The following WDR49 variants were observed in gnomAD, a reference collection of about 807,000 sequenced individuals.
WDR49 encodes the protein cilia- and flagella-associated protein 337.
WDR49 carries 107 observed loss-of-function variants against 119.5 expected under a neutral mutation model. The observed-to-expected ratio is 0.90, with a 90% CI of 0.77 to 1.05. WDR49 has a LOEUF of 1.05. WDR49 is among the 50% of genes least tolerant of loss of function. The probability of loss-of-function intolerance (pLI) is 0.00; values close to 1 mark genes in which losing one functional copy is unlikely to be tolerated. For synonymous variants in WDR49, 425 were observed against 418.8 expected, an observed-to-expected ratio of 1.01 and a Z score of -0.18; for missense variants, 1,240 against 1,220.5, an observed-to-expected ratio of 1.02 and a Z score of -0.24.
intron 17 of WDR49, 145 bp from the exon 18 acceptor site, chr3:167,500,444 CA>C: frequency 1.1e-6 from 1 of 893,250 alleles, no homozygotes; most frequent in South Asian, 1.8e-5. Context: ...CAGTGATCTG[CA>C]AACCCTACAA....
intron 6 of WDR49, among the ~76,000 whole-genome samples, chr3:167,604,087 T>C (rs1048129357): frequency 6.6e-6 from 1 of 152,104 alleles, no homozygotes; most frequent in African/African-American, 2.4e-5. Context: ...ATTAAAGCAT[T>C]GGGCACTTTC....
intron 15 of WDR49, among the ~76,000 whole-genome samples, chr3:167,526,434 C>T (rs1188647375): frequency 6.6e-6 from 1 of 152,090 alleles, no homozygotes; most frequent in East Asian, 1.9e-4. Context: ...AAACCTCCAC[C>T]TCATCTTGCC....
At chr3:167,527,226 T>C (rs1752668348) in intron 15 of WDR49, among the ~76,000 whole-genome samples, 2 of 152,148 alleles carry the variant, frequency 1.3e-5, no homozygotes, top group African/African-American at 4.8e-5. Context: ...TCTGTGCCTC[T>C]GTTTCCTTAT....
intron 17 of WDR49, among the ~76,000 whole-genome samples, chr3:167,501,783 A>G (rs944902563): frequency 2.0e-5 from 3 of 152,208 alleles, no homozygotes; most frequent in African/African-American, 7.2e-5. Flanking sequence ...TCCGTCAACA[A>G]CTAGACTAAT....
intron 2 of WDR49, among the ~76,000 whole-genome samples, chr3:167,649,312 T>TA (rs768998964): frequency 1.0e-3 from 159 of 151,492 alleles, no homozygotes; most frequent in Non-Finnish European, 1.9e-3. Context: ...AAGGACAAGT[T>TA]AAAAAAAAGG....
chr3:167,521,971 T>TAGAC (rs1752455873), intron 16 of WDR49, among the ~76,000 whole-genome samples: 1 of 82,718 alleles, frequency 1.2e-5, no homozygotes, highest in Non-Finnish European at 2.8e-5. Flanking sequence ...CTAAGATAGA[T>TAGAC]AGATAGATAG....
At chr3:167,633,077 T>G (rs1717444865) in intron 2 of WDR49, among the ~76,000 whole-genome samples, 1 of 148,110 alleles carries the variant, frequency 6.8e-6, no homozygotes, top group African/African-American at 2.5e-5. Context: ...TTCTGAGAAT[T>G]TAGCCAAACT....
intron 3 of WDR49, among the ~76,000 whole-genome samples, chr3:167,623,894 GTA>G (rs1406137559): frequency 6.6e-6 from 1 of 151,842 alleles, no homozygotes; most frequent in Non-Finnish European, 1.5e-5. Context: ...AAAATCTATT[GTA>G]TTTCTATACA....
At chr3:167,637,429 T>C (rs1717673754) in intron 2 of WDR49, among the ~76,000 whole-genome samples, 1 of 152,006 alleles carries the variant, frequency 6.6e-6, no homozygotes, top group African/African-American at 2.4e-5. Flanking sequence ...GGTAATGTGA[T>C]GCCTCCAGAT....
intron 7 of WDR49, among the ~76,000 whole-genome samples, chr3:167,595,401 G>A (rs745915439): frequency 3.5e-4 from 53 of 152,114 alleles, no homozygotes; most frequent in Non-Finnish European, 2.1e-4. Flanking sequence ...AAAAGAGCCC[G>A]CATTGCCAAG....
In WDR49 at chr3:167,500,240, C is replaced by T; in HGVS notation, c.2944G>A (p.Ala982Thr). 1.2e-6 allele frequency: 2 copies of T among 1,605,930 alleles called. No individual in the cohort carries two copies. The highest frequency in any genetic ancestry group is 1.1e-5 in the South Asian group (1 of 89,274). The stretch of plus-strand genomic sequence containing the variant: ...TATTTCTCAGGGTCTAGAAGGAAAG[C>T]AGGTTTATTCACTTCAGGCAGCTCT... ...LEELPEVNKP[A>T]FLLDPEKYFR... The change falls in exon 18 of 19, where the codon GCT becomes ACT. Residue 982 changes from alanine (A) to threonine (T), a missense_variant. Physicochemically the swap from Ala to Thr is moderately conservative, Grantham distance 58. Coordinates refer to ENST00000682715, the MANE Select transcript of WDR49 (RefSeq NM_001366157.1).
rs574539928 is a variant in WDR49, at chr3:167,557,981, T to C, written c.1674+2083A>G. On this transcript the variant is annotated intron_variant, in intron 9 of 18. Transcript: ENST00000682715. ...TCAAGAAACAAATGGCCAGGCACAG[T>C]GGCACGTGTTTGTAATCCCAGCTAC... 2.4e-4 allele frequency among the ~76,000 whole-genome samples: 37 copies of C among 152,222 alleles called. No individual in the cohort carries two copies. In the South Asian group the frequency reaches 7.3e-3, roughly 30 times the overall value.
upstream of WDR49, among the ~76,000 whole-genome samples, chr3:167,657,752 TCTTCTCAAGTCCTCACTGCTC>T (rs796347049): frequency 3.7e-4 from 56 of 152,232 alleles, no homozygotes; most frequent in African/African-American, 1.2e-3. Flanking sequence ...TGCTCCTTGT[TCTTCTCAAGTCCTCACTGCTC>T]CTTCTCAAGT....
chr3:167,541,086 T>C (rs1711791682), intron 10 of WDR49, among the ~76,000 whole-genome samples: 1 of 152,124 alleles, frequency 6.6e-6, no homozygotes, highest in Admixed American at 6.6e-5. Flanking sequence ...TAATTAGTGT[T>C]CCTGAGGAAG....
intron 9 of WDR49, among the ~76,000 whole-genome samples, chr3:167,557,460 T>C (rs1001826615): frequency 6.6e-5 from 10 of 152,190 alleles, no homozygotes; most frequent in Admixed American, 3.3e-4. Context: ...GGACTATCTA[T>C]GCAGTAGCAT....
intron 8 of WDR49, among the ~76,000 whole-genome samples, chr3:167,570,776 G>A (rs1390600497): frequency 2.6e-5 from 4 of 152,136 alleles, no homozygotes; most frequent in African/African-American, 4.8e-5. Context: ...AGTGGCTCAC[G>A]CCTGCAATCC....
chr3:167,520,857 C>A (rs1469250585), intron 16 of WDR49, among the ~76,000 whole-genome samples: 3 of 151,958 alleles, frequency 2.0e-5, no homozygotes, highest in Non-Finnish European at 2.9e-5. Context: ...ACAAAGGATG[C>A]GGAAACTATA....
At chr3:167,577,152 A>T (rs1274845345) in intron 7 of WDR49, among the ~76,000 whole-genome samples, 1 of 152,186 alleles carries the variant, frequency 6.6e-6, no homozygotes, top group East Asian at 1.9e-4. Context: ...TAGATTCAAT[A>T]GACATTAAAA....
chr3:167,580,017 T>A (rs1714453427), intron 7 of WDR49, among the ~76,000 whole-genome samples: 1 of 152,110 alleles, frequency 6.6e-6, no homozygotes, highest in South Asian at 2.1e-4. Context: ...GTTAAGTAAT[T>A]TATATTGGAT....
Sources: gnomAD v4.1 joint callset for allele counts (sites outside exome capture counted in the v4.1 genomes callset) on GRCh38, gnomAD v4.1.1 for gene constraint, MANE v1.5 for transcripts, NCBI Gene and HGNC (gene_info 2026-07-23, HGNC 2026-07-21) for gene names.